MS4A5: variants seen among roughly 807,000 people sequenced by gnomAD.
MS4A5 encodes membrane spanning 4-domains A5, also known as membrane-spanning 4-domains subfamily A member 5.
A neutral mutation model predicts 18.2 loss-of-function variants in MS4A5; 15 were observed. The observed-to-expected ratio is 0.83, with a 90% CI of 0.55 to 1.27. The LOEUF (loss-of-function observed/expected upper bound fraction) is 1.27. Among genes scored for constraint, MS4A5 ranks in the 50% most tolerant of loss-of-function variants. The pLI is 0.00. For synonymous variants in MS4A5, 89 were observed against 78.7 expected, an observed-to-expected ratio of 1.13 and a Z score of -0.69; for missense variants, 232 against 225.7, an observed-to-expected ratio of 1.03 and a Z score of -0.18.
chr11:60,447,649 G>A lies in MS4A5; in HGVS notation c.493G>A (p.Gly165Arg). ...TTTTTTTCTTCTTCTTCTATTACAG[G>A]GAATTTTGATTACATTGATGACTTT... ...QCKAVTVLFL[G>R]ILITLMTFSI... The change falls in exon 5 of 5, where the codon GGA (glycine) becomes AGA (arginine). Residue 165 changes from glycine to arginine, a missense_variant and splice_region_variant. By Grantham distance (125) the Gly-to-Arg change is moderately radical. Transcript: ENST00000300190. 2 of 1,531,276 alleles carry A rather than the reference G, an allele frequency of 1.3e-6. No homozygotes were observed. Among genetic ancestry groups the A allele is most frequent in the African/African-American group, 1.4e-5 (1 of 70,580 alleles). The allele number at this position is 1,531,276 out of a possible 1,614,324, so 94.9% of individuals were successfully genotyped here.
chr11:60,434,141 G>C (rs144588930), intron 4 of MS4A5, among the ~76,000 whole-genome samples: 136 of 151,730 alleles, frequency 9.0e-4, no homozygotes, highest in Non-Finnish European at 1.7e-3. Context: ...AGGAGCACAA[G>C]AGATAAAACA....
chr11:60,433,670 G>T, intron 3 of MS4A5, 95 bp from the exon 4 acceptor site: 2 of 1,246,856 alleles, frequency 1.6e-6, no homozygotes, highest in South Asian at 2.7e-5. Context: ...AAGATGCTGT[G>T]ACTAAAATCC....
At chr11:60,438,479 C>A (rs2086092850) in intron 4 of MS4A5, among the ~76,000 whole-genome samples, 1 of 151,946 alleles carries the variant, frequency 6.6e-6, no homozygotes, top group Non-Finnish European at 1.5e-5. Context: ...ATTAATGAAT[C>A]CAGGAGCTGG....
rs142868297 is a variant in MS4A5, at chr11:60,432,434, A to T, written c.306A>T (p.Leu102=). 1,199 of 1,593,044 alleles carry T rather than the reference A, an allele frequency of 7.5e-4. 23 individuals are homozygous for T. The Admixed American group carries it at 0.019, about 26-fold the overall frequency. ...AGTTCATTAATTCTGGAGCCTTCCTAATTGCAGTGAAAAGAAAAACCACAG... is the reference window on the plus strand; with the variant it reads ...AGTTCATTAATTCTGGAGCCTTCCTTATTGCAGTGAAAAGAAAAACCACAG... ...SVLFINSGAF[L]IAVKRKTTET... The change falls in exon 3 of 5, where the codon CTA becomes CTT. Residue 102 remains leucine, a synonymous_variant. Coordinates refer to ENST00000300190, the MANE Select transcript of MS4A5 (RefSeq NM_023945.3).
chr11:60,441,678 A>G (rs1320099807), intron 4 of MS4A5, among the ~76,000 whole-genome samples: 2 of 151,566 alleles, frequency 1.3e-5, no homozygotes, highest in Non-Finnish European at 2.9e-5. Flanking sequence ...GGAATATAAA[A>G]TAAAAGAAAG....
chr11:60,431,386 T>C (rs545520673), intron 2 of MS4A5, among the ~76,000 whole-genome samples: 2 of 152,336 alleles, frequency 1.3e-5, no homozygotes, highest in African/African-American at 4.8e-5. Context: ...TTCTCAGATA[T>C]ACCTTTTGAG....
chr11:60,433,812 A>G lies in MS4A5; in HGVS notation c.387A>G (p.Ile129Met). The G allele has an allele frequency of 1.2e-6, 2 of 1,613,974 alleles. No homozygotes were observed. Among genetic ancestry groups the G allele is most frequent in the African/African-American group, 2.7e-5 (2 of 75,048 alleles). Residue 129 changes from isoleucine to methionine, a missense_variant, in exon 4 of 5, where the codon ATA becomes ATG. Coordinates refer to ENST00000300190, the MANE Select transcript of MS4A5 (RefSeq NM_023945.3). ...ATTTTCTTAGTGCCCTGGGAGCAATAGCTGGAATCATTCTCCTCACATTTG... is the reference window on the plus strand; with the variant it reads ...ATTTTCTTAGTGCCCTGGGAGCAATGGCTGGAATCATTCTCCTCACATTTG... ...IMNFLSALGA[I>M]AGIILLTFGF...
intron 3 of MS4A5, among the ~76,000 whole-genome samples, chr11:60,433,487 T>G (rs2086062245): frequency 6.6e-6 from 1 of 152,152 alleles, no homozygotes; most frequent in Non-Finnish European, 1.5e-5. Flanking sequence ...CAAAATGCAA[T>G]TGTTACAGGC....
rs117326199 is a variant in MS4A5 at position 60,443,604 on chromosome 11, T to C, written c.493-4045T>C. 1.7e-3 allele frequency among the ~76,000 whole-genome samples: 252 copies of C among 152,000 alleles called. 4 individuals are homozygous for C. In the East Asian group the frequency reaches 0.033, roughly 20 times the overall value. On this transcript the variant is annotated intron_variant, in intron 4 of 4. Transcript: ENST00000300190. Reference sequence around the variant, plus strand: ...TAAAGAAAATGAAAGAATTGAGATATAGTATTCTATAATAGACATAACAAA... The same window carrying C: ...TAAAGAAAATGAAAGAATTGAGATACAGTATTCTATAATAGACATAACAAA...
chr11:60,445,894 G>A (rs1045365406), intron 4 of MS4A5, among the ~76,000 whole-genome samples: 1 of 152,170 alleles, frequency 6.6e-6, no homozygotes, highest in Admixed American at 6.5e-5. Flanking sequence ...TGAAAACAAT[G>A]TTCTTGTATA....
intron 2 of MS4A5, among the ~76,000 whole-genome samples, chr11:60,431,349 T>C (rs77964935): frequency 0.014 from 2,188 of 152,320 alleles, 52 homozygotes; most frequent in African/African-American, 0.05. Context: ...AGCAATTTAT[T>C]CTTTACAGAA....
Position 60,433,781 on chromosome 11 carries a change from T to A in MS4A5, c.356T>A (p.Ile119Lys). 1 of 1,613,984 alleles carries A rather than the reference T, an allele frequency of 6.2e-7. No individual in the cohort carries two copies. The highest frequency in any genetic ancestry group is 8.5e-7 in the Non-Finnish European group (1 of 1,179,832). ...TTETLIILSR[I>K]MNFLSALGAI... is the part of the protein sequence containing the mutation. ...CTATTTCAGATAATATTGAGCCGAA[T>A]AATGAATTTTCTTAGTGCCCTGGGA... The change falls in exon 4 of 5, where the codon ATA becomes AAA. Residue 119 changes from isoleucine (I) to lysine (K), a missense_variant. Transcript: ENST00000300190.
intron 4 of MS4A5, among the ~76,000 whole-genome samples, chr11:60,444,818 G>A (rs555992927): frequency 6.6e-6 from 1 of 152,164 alleles, no homozygotes; most frequent in Non-Finnish European, 1.5e-5. Flanking sequence ...TGATGGAAAT[G>A]GGAAACGGAA....
chr11:60,438,745 A>G (rs2086094586), intron 4 of MS4A5, among the ~76,000 whole-genome samples: 1 of 150,794 alleles, frequency 6.6e-6, no homozygotes, highest in Non-Finnish European at 1.5e-5. Context: ...ATCTCTGAAT[A>G]GACCAATAAC....
intron 4 of MS4A5, among the ~76,000 whole-genome samples, chr11:60,437,641 G>A (rs2086088103): frequency 6.7e-6 from 1 of 150,236 alleles, no homozygotes; most frequent in Admixed American, 6.7e-5. Flanking sequence ...TGATAAAACA[G>A]ACTTTAAATC....
At chr11:60,438,193 A>G (rs1157948415) in intron 4 of MS4A5, among the ~76,000 whole-genome samples, 3 of 152,290 alleles carry the variant, frequency 2.0e-5, no homozygotes. Flanking sequence ...TAATGAAATG[A>G]AGGCAGAAAT....
At chr11:60,430,763 T>C (rs2086044273) in intron 1 of MS4A5, 33 bp from the exon 2 acceptor site, 1 of 1,604,364 alleles carries the variant, frequency 6.2e-7, no homozygotes. Context: ...TCACTTTGCT[T>C]TTCCTCACCA....
intron 4 of MS4A5, among the ~76,000 whole-genome samples, chr11:60,437,225 G>C (rs1326395533): frequency 6.7e-6 from 1 of 149,090 alleles, no homozygotes; most frequent in Non-Finnish European, 1.5e-5. Context: ...CAAATGCTGA[G>C]AGATTTTGTC....
chr11:60,441,274 T>C, intron 4 of MS4A5, among the ~76,000 whole-genome samples: 1 of 126,378 alleles, frequency 7.9e-6, no homozygotes, highest in Non-Finnish European at 1.7e-5. Context: ...CTGGGAACTG[T>C]TATGGGGTGG....
Sources: gnomAD v4.1 joint callset for allele counts (sites outside exome capture counted in the v4.1 genomes callset) on GRCh38, gnomAD v4.1.1 for gene constraint, MANE v1.5 for transcripts, NCBI Gene and HGNC (gene_info 2026-07-23, HGNC 2026-07-21) for gene names.